Variants in EIF3CL observed in about 807,000 individuals in gnomAD.
EIF3CL encodes eukaryotic translation initiation factor 3 subunit C-like protein.
For synonymous variants in EIF3CL, 2 were observed against 19.6 expected (o/e 0.10, Z 2.37); for missense variants, 5 against 56.1 (o/e 0.09, Z 2.91).
chr16:28,414,708 C>T, the EIF3CL span: 3 of 364,204 alleles, frequency 8.2e-6, no homozygotes, highest in South Asian at 2.0e-5. Context: ...CGCCAAGCTG[C>T]GCGTCTAGAA....
At chr16:28,416,877 G>A in the EIF3CL span, among the ~76,000 whole-genome samples, 14 of 90,270 alleles carry the variant, frequency 1.6e-4, no homozygotes, top group South Asian at 3.0e-4. Context: ...CCGTCCGGGA[G>A]GGAGGTGGGG....
the EIF3CL span, among the ~76,000 whole-genome samples, chr16:28,415,888 G>A: frequency 6.5e-5 from 6 of 92,728 alleles, 1 homozygote; most frequent in South Asian, 1.6e-3. Context: ...CTCTCCCCAC[G>A]GTCTCCCTCT....
the EIF3CL span, chr16:28,414,606 C>T: frequency 1.9e-5 from 5 of 268,108 alleles, no homozygotes; most frequent in East Asian, 6.1e-4. Flanking sequence ...CTGCTTCTGG[C>T]AGTTCTTCAC....
At chr16:28,417,304 G>A in the EIF3CL span, among the ~76,000 whole-genome samples, 31 of 147,956 alleles carry the variant, frequency 2.1e-4, 1 homozygote, top group South Asian at 3.4e-3. Flanking sequence ...CCACCACCCC[G>A]TCTGGGAGGT....
the EIF3CL span, among the ~76,000 whole-genome samples, chr16:28,424,047 G>T: frequency 6.7e-6 from 1 of 148,296 alleles, no homozygotes; most frequent in Non-Finnish European, 1.5e-5. Flanking sequence ...GAGTGCAGTG[G>T]TGTGATCTCG....
At chr16:28,416,483 C>T in the EIF3CL span, among the ~76,000 whole-genome samples, 2 of 19,484 alleles carry the variant, frequency 1.0e-4, no homozygotes, top group African/African-American at 4.3e-4. Context: ...ATGTGGGGAG[C>T]GCCTCTGCCC....
chr16:28,416,637 C>A, the EIF3CL span, among the ~76,000 whole-genome samples: 2 of 74,906 alleles, frequency 2.7e-5, no homozygotes, highest in African/African-American at 1.0e-4. Context: ...AAGTGAGGAG[C>A]CCCTCCGCCC....
the EIF3CL span, among the ~76,000 whole-genome samples, chr16:28,418,761 C>G: frequency 6.6e-6 from 1 of 150,866 alleles, no homozygotes; most frequent in East Asian, 2.0e-4. Flanking sequence ...TCCTGAGTAG[C>G]CAGGATTACA....
chr16:28,408,204 C>CAAAAAAA (rs1224629208), upstream of EIF3CL, among the ~76,000 whole-genome samples: 1 of 47,860 alleles, frequency 2.1e-5, no homozygotes, highest in African/African-American at 9.0e-5. Context: ...ACCTTGTCGC[C>CAAAAAAA]AAAAAAAAAA....
At chr16:28,416,914 C>T in the EIF3CL span, among the ~76,000 whole-genome samples, 1 of 95,642 alleles carries the variant, frequency 1.0e-5, no homozygotes, top group Non-Finnish European at 2.3e-5. Flanking sequence ...CCCGGCCAGC[C>T]GCCCCGTCTG....
the EIF3CL span, among the ~76,000 whole-genome samples, chr16:28,417,337 C>T: frequency 2.8e-5 from 4 of 144,292 alleles, no homozygotes; most frequent in African/African-American, 5.2e-5. Context: ...TCATTGAGAA[C>T]GGGCCAGGAT....
intron 16 of EIF3CL, among the ~76,000 whole-genome samples, chr16:28,382,263 A>G (rs1596593681): frequency 1.2e-5 from 1 of 84,500 alleles, no homozygotes; most frequent in East Asian, 4.8e-4. Flanking sequence ...GGCTCAAAGA[A>G]TATTTCTCTA....
At position 28,403,062 on chromosome 16, in the gene EIF3CL, T is replaced by C. The variant is rs1199025542; in HGVS notation, c.101+456A>G. On this transcript the variant is annotated intron_variant, in intron 2 of 20. Coordinates refer to ENST00000380876, the MANE Select transcript of EIF3CL (RefSeq NM_001317857.2). ...ATGTACAGAAATGGCGGATGGGTATTTACGTAGAGGTGAACAGGCATATAA... is the reference window on the plus strand; with the variant it reads ...ATGTACAGAAATGGCGGATGGGTATCTACGTAGAGGTGAACAGGCATATAA... 1.4e-5 allele frequency among the ~76,000 whole-genome samples: 2 copies of C among 143,600 alleles called. 1 individual carries two copies. Among genetic ancestry groups the C allele is most frequent in the African/African-American group, 5.0e-5 (2 of 39,774 alleles). The allele number at this position is 143,600 out of a possible 152,430, so 94.2% of individuals were successfully genotyped here. A position where few individuals can be genotyped will look rare whatever the true frequency, so the allele number is the denominator to read the frequency against.
At chr16:28,408,202 G>A (rs1441045561), upstream of EIF3CL, among the ~76,000 whole-genome samples, 1 of 10,526 alleles carries the variant, frequency 9.5e-5, no homozygotes, top group Non-Finnish European at 1.6e-4. Flanking sequence ...AGACCTTGTC[G>A]CCAAAAAAAA....
In EIF3CL at chr16:28,385,473, C is replaced by T. The variant is rs533308571; in HGVS notation, c.1822-1992G>A. On this transcript the variant is annotated intron_variant, in intron 15 of 20. Coordinates refer to ENST00000380876, the MANE Select transcript of EIF3CL (RefSeq NM_001317857.2). ...CCTCCTGAGTAGGTGGGACTACAGGCGTGCACCACTATGCCTGACTAGTTT... is the reference window on the plus strand; with the variant it reads ...CCTCCTGAGTAGGTGGGACTACAGGTGTGCACCACTATGCCTGACTAGTTT... Among the ~76,000 whole-genome samples the T allele has an allele frequency of 1.0e-4, 12 of 114,888 alleles. 1 individual carries two copies. Among genetic ancestry groups the T allele is most frequent in the African/African-American group, 2.4e-4 (8 of 33,212 alleles). 75.4% of individuals were successfully genotyped at this position (114,888 alleles called of 152,430 possible).
chr16:28,416,007 C>A, the EIF3CL span, among the ~76,000 whole-genome samples: 1 of 36,336 alleles, frequency 2.8e-5, no homozygotes, highest in African/African-American at 1.3e-4. Flanking sequence ...CAGGCACGCG[C>A]CGCCACGCCT....
chr16:28,386,487 C>T (rs2045603394), intron 15 of EIF3CL, among the ~76,000 whole-genome samples: 2 of 29,316 alleles, frequency 6.8e-5, no homozygotes, highest in South Asian at 7.5e-4. Context: ...TGGCCGGTTG[C>T]GGTGGCTCAT....
At chr16:28,422,761 C>T in the EIF3CL span, among the ~76,000 whole-genome samples, 6 of 136,266 alleles carry the variant, frequency 4.4e-5, no homozygotes, top group South Asian at 2.2e-4. Context: ...CCCTCGAACT[C>T]GGGAGGCAGA....
At chr16:28,415,966 C>T in the EIF3CL span, among the ~76,000 whole-genome samples, 2 of 68,194 alleles carry the variant, frequency 2.9e-5, no homozygotes, top group Non-Finnish European at 5.8e-5. Context: ...GCCTGATTCT[C>T]CTGCCTCAGC....
Sources: gnomAD v4.1 joint callset for allele counts (sites outside exome capture counted in the v4.1 genomes callset) on GRCh38, gnomAD v4.1.1 for gene constraint, MANE v1.5 for transcripts, NCBI Gene and HGNC (gene_info 2026-07-23, HGNC 2026-07-21) for gene names.